ZBTB20: variants seen among roughly 807,000 people sequenced by gnomAD.
ZBTB20 encodes the protein zinc finger and BTB domain-containing protein 20.
Under a neutral mutation model 56.9 loss-of-function variants are expected in ZBTB20, and 9 were observed. The observed-to-expected ratio is 0.16, with a 90% CI of 0.10 to 0.28. The LOEUF (loss-of-function observed/expected upper bound fraction) is 0.28. Ranked by LOEUF, ZBTB20 falls within the 10% of genes least tolerant of loss-of-function variation. The probability of loss-of-function intolerance (pLI) is 1.00; values close to 1 mark genes in which losing one functional copy is unlikely to be tolerated. For synonymous variants in ZBTB20, 417 were observed against 420.7 expected (o/e 0.99, Z 0.11); for missense variants, 655 against 1,003.0 (o/e 0.65, Z 4.69).
At position 114,350,803 on chromosome 3, in the gene ZBTB20, C is replaced by T. The variant is rs746920213; in HGVS notation, c.1275G>A (p.Gln425=). ...CCGGAGAGGAAGCACCTGTTTCTAG[C>T]TGGTTTGTCTGCGGACCACCCTCAG... The part of the protein sequence containing the change: ...APAEGGPQTN[Q]LETGASSPER... The change falls in exon 11 of 12, where the codon CAG becomes CAA. Residue 425 remains glutamine, a synonymous_variant. Coordinates refer to ENST00000675478, the MANE Select transcript of ZBTB20 (RefSeq NM_001348800.3). The T allele has an allele frequency of 5.0e-6, 8 of 1,613,952 alleles. No individual in the cohort carries two copies. Among genetic ancestry groups the T allele is most frequent in the Non-Finnish European group, 6.8e-6 (8 of 1,180,020 alleles).
At chr3:115,021,290 A>C (rs964183097) in intron 2 of ZBTB20, among the ~76,000 whole-genome samples, 1 of 150,950 alleles carries the variant, frequency 6.6e-6, no homozygotes, top group African/African-American at 2.4e-5. Flanking sequence ...AGGCCTAAAC[A>C]TATGAAGTTC....
At chr3:114,959,524 G>C (rs1048515432) in intron 3 of ZBTB20, among the ~76,000 whole-genome samples, 2 of 152,002 alleles carry the variant, frequency 1.3e-5, no homozygotes. Context: ...AAATAAATAA[G>C]AAAAATGATG....
intron 5 of ZBTB20, among the ~76,000 whole-genome samples, chr3:114,777,008 C>T (rs949746040): frequency 2.5e-4 from 38 of 152,098 alleles, no homozygotes; most frequent in Admixed American, 2.2e-3. Context: ...AGCCATTTTC[C>T]CCCTAAATCA....
chr3:115,062,626 C>T (rs1560537911), intron 2 of ZBTB20, among the ~76,000 whole-genome samples: 1 of 151,884 alleles, frequency 6.6e-6, no homozygotes, highest in Admixed American at 6.6e-5. Flanking sequence ...ATTCAAAAGG[C>T]ACTTGATATT....
intron 3 of ZBTB20, among the ~76,000 whole-genome samples, chr3:114,971,580 A>G (rs2077886236): frequency 6.6e-6 from 1 of 152,246 alleles, no homozygotes; most frequent in South Asian, 2.1e-4. Context: ...GGATGAACAG[A>G]ATAAACAAGG....
chr3:114,751,725 T>C (rs1203658838), intron 5 of ZBTB20, among the ~76,000 whole-genome samples: 1 of 152,114 alleles, frequency 6.6e-6, no homozygotes, highest in African/African-American at 2.4e-5. Flanking sequence ...ACAAAATATG[T>C]GACATGAAGG....
chr3:114,709,715 T>C (rs898952229), intron 5 of ZBTB20, among the ~76,000 whole-genome samples: 1 of 152,182 alleles, frequency 6.6e-6, no homozygotes, highest in African/African-American at 2.4e-5. Context: ...CCAAATGTGA[T>C]TCTGAATTAT....
intron 6 of ZBTB20, among the ~76,000 whole-genome samples, chr3:114,623,159 C>T (rs553303072): frequency 6.6e-6 from 1 of 152,228 alleles, no homozygotes; most frequent in South Asian, 2.1e-4. Context: ...TAGGCAGGGA[C>T]CTGATGGTAA....
At chr3:114,802,950 T>C (rs1358542059) in intron 4 of ZBTB20, among the ~76,000 whole-genome samples, 1 of 151,838 alleles carries the variant, frequency 6.6e-6, no homozygotes, top group Non-Finnish European at 1.5e-5. Flanking sequence ...CTCCTCAATT[T>C]GCCAGATGTT....
intron 2 of ZBTB20, among the ~76,000 whole-genome samples, chr3:115,019,502 G>A (rs1301952101): frequency 2.6e-5 from 4 of 151,210 alleles, no homozygotes; most frequent in Non-Finnish European, 5.9e-5. Flanking sequence ...GGAAGTTGCA[G>A]ACTTAATACA....
intron 4 of ZBTB20, among the ~76,000 whole-genome samples, chr3:114,859,921 A>C (rs1576138624): frequency 6.6e-6 from 1 of 152,180 alleles, no homozygotes; most frequent in East Asian, 1.9e-4. Flanking sequence ...AAACAGAATA[A>C]ATGACTAACC....
chr3:114,792,306 G>C (rs2071019321), intron 5 of ZBTB20: 1 of 152,046 alleles, frequency 6.6e-6, no homozygotes, highest in Non-Finnish European at 1.5e-5. Flanking sequence ...TTCTGATTTA[G>C]GGCTACTAGC....
chr3:114,797,926 T>C (rs2071432262), intron 5 of ZBTB20, among the ~76,000 whole-genome samples: 1 of 151,938 alleles, frequency 6.6e-6, no homozygotes, highest in Admixed American at 6.6e-5. Flanking sequence ...TAGCTTTGGG[T>C]AAAATAACAG....
In ZBTB20 at chr3:114,398,274, A is replaced by C. The variant is rs191799191; in HGVS notation, c.-254-9169T>G. ...AGCGAGGGTGTACATCCTCTTGGGT[A>C]GGAACCTTGTTTTATACACTACAGA... On this transcript the variant is annotated intron_variant, in intron 7 of 11. Transcript: ENST00000675478. 2.0e-5 allele frequency among the ~76,000 whole-genome samples: 3 copies of C among 152,244 alleles called. No homozygotes were observed. In the East Asian group the frequency reaches 5.8e-4, roughly 29 times the overall value.
chr3:114,915,196 G>T (rs965260216), intron 3 of ZBTB20, among the ~76,000 whole-genome samples: 2 of 151,806 alleles, frequency 1.3e-5, no homozygotes, highest in African/African-American at 4.8e-5. Flanking sequence ...AAGCGATCAG[G>T]TCCCAGGGTT....
intron 5 of ZBTB20, among the ~76,000 whole-genome samples, chr3:114,773,741 A>C (rs1429471319): frequency 6.6e-6 from 1 of 152,198 alleles, no homozygotes; most frequent in Non-Finnish European, 1.5e-5. Context: ...ACAATGAAAA[A>C]AAGAGAAAGA....
chr3:114,545,708 C>T (rs2049793765), intron 6 of ZBTB20, among the ~76,000 whole-genome samples: 1 of 152,138 alleles, frequency 6.6e-6, no homozygotes, highest in Non-Finnish European at 1.5e-5. Context: ...CTTATGAGTA[C>T]ATATTACAAG....
chr3:114,642,168 A>G (rs1239663733), intron 6 of ZBTB20, among the ~76,000 whole-genome samples: 1 of 152,064 alleles, frequency 6.6e-6, no homozygotes, highest in African/African-American at 2.4e-5. Context: ...GGCTGACAAG[A>G]GACTAAAGAG....
At chr3:114,544,113 A>G (rs1181340975) in intron 6 of ZBTB20, among the ~76,000 whole-genome samples, 2 of 152,214 alleles carry the variant, frequency 1.3e-5, no homozygotes, top group Admixed American at 1.3e-4. Context: ...AGGAAAGACT[A>G]GCTGTAGTTA....
Sources: allele counts gnomAD v4.1 joint callset (sites outside exome capture counted in the v4.1 genomes callset), GRCh38; gene constraint gnomAD v4.1.1; transcripts MANE v1.5; gene names NCBI Gene and HGNC (gene_info 2026-07-23, HGNC 2026-07-21).